Variants in ABCC12 observed in about 807,000 individuals in gnomAD.
The protein encoded by ABCC12 is ATP binding cassette subfamily C member 12.
ABCC12 carries 142 observed loss-of-function variants against 151.1 expected under a neutral mutation model. That is an observed-to-expected ratio of 0.94 (90% CI 0.82 to 1.08). The LOEUF (loss-of-function observed/expected upper bound fraction) is 1.08. Ranked by LOEUF, ABCC12 falls within the 50% of genes least tolerant of loss-of-function variation. ABCC12 has a pLI of 0.00. For missense variants in ABCC12, 1,638 were observed against 1,691.1 expected, an observed-to-expected ratio of 0.97 and a Z score of 0.55; for synonymous variants, 645 against 646.4, an observed-to-expected ratio of 1.00 and a Z score of 0.03.
rs950623045 is a variant in ABCC12, at chr16:48,144,869, T to C, written c.120-804A>G. 2.0e-5 allele frequency among the ~76,000 whole-genome samples: 3 copies of C among 152,318 alleles called. No homozygotes were observed. The East Asian group carries it at 5.8e-4, about 29-fold the overall frequency. On this transcript the variant is annotated intron_variant, in intron 3 of 30. Transcript: ENST00000311303. ...CATGATACAGTCATGCATTACTTCA[T>C]ATATTCCTCACAACAACTCAGTAAG...
In ABCC12 at chr16:48,140,765, C is replaced by T; in HGVS notation, c.579G>A (p.Arg193=). Residue 193 remains arginine (R), a synonymous_variant, in exon 6 of 31, where the codon CGG becomes CGA. Transcript: ENST00000311303. The part of the protein sequence containing the change: ...AWAINYRTAI[R]LKVALSTLVF... ...CCAAGGTGGAGAGCGCCACCTTCAA[C>T]CGGATGGCCGTGCGGTAGTTGATGG... 1 of 1,614,218 alleles carries T rather than the reference C, an allele frequency of 6.2e-7. No individual in the cohort carries two copies. The highest frequency in any genetic ancestry group is 8.5e-7 in the Non-Finnish European group (1 of 1,180,038).
intron 16 of ABCC12, 52 bp from the exon 17 acceptor site, chr16:48,111,714 A>C: frequency 6.2e-7 from 1 of 1,614,070 alleles, no homozygotes; most frequent in Non-Finnish European, 8.5e-7. Flanking sequence ...GACCTCTCCC[A>C]GGCACGAAAT....
intron 13 of ABCC12, among the ~76,000 whole-genome samples, chr16:48,119,077 C>A (rs976837009): frequency 1.3e-5 from 2 of 152,212 alleles, no homozygotes; most frequent in Admixed American, 6.5e-5. Context: ...TTTCCTCCCA[C>A]CCTCCTGCTT....
At chr16:48,114,691 G>C (rs1388825063) in intron 15 of ABCC12, among the ~76,000 whole-genome samples, 2 of 152,210 alleles carry the variant, frequency 1.3e-5, no homozygotes, top group African/African-American at 4.8e-5. Context: ...AGAAGAGAGA[G>C]GGAGATGGTC....
intron 24 of ABCC12, among the ~76,000 whole-genome samples, chr16:48,092,832 T>G (rs1962957293): frequency 6.6e-6 from 1 of 152,150 alleles, no homozygotes; most frequent in Non-Finnish European, 1.5e-5. Flanking sequence ...GAGGCATTTA[T>G]GATAAGAAGT....
At chr16:48,107,497 C>A (rs1056113756) in intron 19 of ABCC12, 72 bp from the exon 20 acceptor site, 5 of 1,335,554 alleles carry the variant, frequency 3.7e-6, no homozygotes, top group Non-Finnish European at 5.4e-6. Context: ...TTCCTCAGGA[C>A]CCAACCCTGA....
At chr16:48,101,692 A>C (rs1008321837) in intron 22 of ABCC12, among the ~76,000 whole-genome samples, 2 of 152,020 alleles carry the variant, frequency 1.3e-5, no homozygotes, top group East Asian at 1.9e-4. Context: ...GTTTGGAAAC[A>C]CTTGGATAAT....
At chr16:48,095,621 AG>A (rs1238945769) in intron 24 of ABCC12, among the ~76,000 whole-genome samples, 3 of 152,230 alleles carry the variant, frequency 2.0e-5, no homozygotes, top group African/African-American at 7.2e-5. Flanking sequence ...TAAAAAGACA[AG>A]AACATGGAAA....
intron 15 of ABCC12, among the ~76,000 whole-genome samples, chr16:48,114,987 T>G (rs1963826108): frequency 6.6e-6 from 1 of 152,122 alleles, no homozygotes; most frequent in Admixed American, 6.5e-5. Flanking sequence ...TCTGGGCCCC[T>G]CATCCAAGAG....
chr16:48,105,469 T>C, intron 20 of ABCC12, 133 bp from the exon 21 acceptor site: 1 of 906,754 alleles, frequency 1.1e-6, no homozygotes, highest in Non-Finnish European at 1.7e-6. Context: ...GTCAGGTGGA[T>C]ACAATCTAGT....
chr16:48,148,237 CAAA>C (rs113758072), intron 2 of ABCC12, among the ~76,000 whole-genome samples: 76 of 123,182 alleles, frequency 6.2e-4, no homozygotes, highest in African/African-American at 2.0e-3. Flanking sequence ...CGTGAGTCAC[CAAA>C]AAAAAAAAAA....
At chr16:48,088,821 C>T (rs1046732204) in intron 25 of ABCC12, 87 bp from the exon 26 acceptor site, 19 of 1,172,542 alleles carry the variant, frequency 1.6e-5, no homozygotes, top group Admixed American at 1.3e-4. Context: ...CACACAGTTT[C>T]AGGTACTGCT....
chr16:48,108,019 GGAAA>G (rs760621004), intron 19 of ABCC12, among the ~76,000 whole-genome samples: 14 of 151,608 alleles, frequency 9.2e-5, no homozygotes, highest in Admixed American at 2.0e-4. Context: ...AAAAAAAAAA[GGAAA>G]GAAAGAAAGA....
chr16:48,144,274 T>C (rs925518663), intron 3 of ABCC12, among the ~76,000 whole-genome samples: 3 of 152,260 alleles, frequency 2.0e-5, no homozygotes, highest in African/African-American at 7.2e-5. Context: ...TTTTGCAAGT[T>C]AGTTGTTAAA....
In ABCC12 at chr16:48,083,611, T is replaced by C; in HGVS notation, c.*104A>G. 2 of 1,200,046 alleles carry C rather than the reference T, an allele frequency of 1.7e-6. No homozygotes were observed. Among genetic ancestry groups the C allele is most frequent in the Non-Finnish European group, 2.4e-6 (2 of 838,412 alleles). 74.3% of individuals were successfully genotyped at this position (1,200,046 alleles called of 1,614,324 possible). Reference sequence around the variant, plus strand: ...AGCTCACTCCGTGGATGGGAGGGGCTGAAGACCAGGGCTGCCTGCGGAGAG... The same window carrying C: ...AGCTCACTCCGTGGATGGGAGGGGCCGAAGACCAGGGCTGCCTGCGGAGAG... On this transcript the variant is annotated 3_prime_UTR_variant, in exon 31 of 31. Transcript: ENST00000311303.
chr16:48,097,995 C>T (rs1963162798), intron 23 of ABCC12, among the ~76,000 whole-genome samples: 1 of 152,030 alleles, frequency 6.6e-6, no homozygotes, highest in South Asian at 2.1e-4. Context: ...CCCCAGTTCC[C>T]CCACATGGGC....
intron 12 of ABCC12, among the ~76,000 whole-genome samples, chr16:48,123,536 A>G (rs1964140996): frequency 6.6e-6 from 1 of 152,190 alleles, no homozygotes; most frequent in South Asian, 2.1e-4. Context: ...TTCCTGAAAG[A>G]GGCAATCCCA....
At chr16:48,095,114 T>G (rs1362837832) in intron 24 of ABCC12, among the ~76,000 whole-genome samples, 1 of 152,232 alleles carries the variant, frequency 6.6e-6, no homozygotes, top group African/African-American at 2.4e-5. Flanking sequence ...CATCTTGAAT[T>G]GTAGCTCCCA....
chr16:48,140,931 G>C lies in ABCC12; in HGVS notation c.424-11C>G. 1 of 1,609,400 alleles carries C rather than the reference G, an allele frequency of 6.2e-7. No homozygotes were observed. The highest frequency in any genetic ancestry group is 8.5e-7 in the Non-Finnish European group (1 of 1,176,300). On this transcript the variant is annotated splice_polypyrimidine_tract_variant and intron_variant, in intron 5 of 30. Transcript: ENST00000311303. ...GTGAATGAGAACTGTCTGTAAAACA[G>C]CATGGTGGGGAGAAGAGAGGGCCAC...
Sources: gnomAD v4.1 joint callset for allele counts (sites outside exome capture counted in the v4.1 genomes callset) on GRCh38, gnomAD v4.1.1 for gene constraint, MANE v1.5 for transcripts, NCBI Gene and HGNC (gene_info 2026-07-23, HGNC 2026-07-21) for gene names.